Variants in KATNAL1 observed in about 807,000 individuals in gnomAD.
The protein encoded by KATNAL1 is katanin p60 ATPase-containing subunit A-like 1.
A neutral mutation model predicts 55.2 loss-of-function variants in KATNAL1; 32 were observed. The observed-to-expected ratio is 0.58, with a 90% CI of 0.44 to 0.78. KATNAL1 has a LOEUF of 0.78. KATNAL1 is among the 30% of genes least tolerant of loss of function. The probability of loss-of-function intolerance (pLI) is 0.00; values close to 1 mark genes in which losing one functional copy is unlikely to be tolerated. For missense variants in KATNAL1, 466 were observed against 600.9 expected (o/e 0.78, Z 2.35); for synonymous variants, 193 against 193.6 (o/e 1.00, Z 0.02).
At chr13:30,286,707 A>G (rs1881812171) in intron 1 of KATNAL1, among the ~76,000 whole-genome samples, 1 of 152,182 alleles carries the variant, frequency 6.6e-6, no homozygotes, top group Non-Finnish European at 1.5e-5. Context: ...CAGATCCCGG[A>G]ATGGTAGATC....
intron 2 of KATNAL1, chr13:30,281,802 AAC>A (rs1421690870): frequency 6.6e-6 from 1 of 152,258 alleles, no homozygotes; most frequent in African/African-American, 2.4e-5. Context: ...AAATTGGAAT[AAC>A]ACAGAGAAGA....
chr13:30,209,124 T>C (rs555321418), intron 10 of KATNAL1, among the ~76,000 whole-genome samples: 1 of 152,308 alleles, frequency 6.6e-6, no homozygotes, highest in Admixed American at 6.5e-5. Flanking sequence ...GACCAGTTTG[T>C]CTACAGCCTA....
In KATNAL1 at chr13:30,213,846, C is replaced by T. The variant is rs548864618; in HGVS notation, c.1148-3404G>A. The stretch of plus-strand genomic sequence containing the variant: ...TGAATGGGCAAAAACTGGAAGCATT[C>T]CCTTTGAAAACGGGCACAAGACAGG... On this transcript the variant is annotated intron_variant, in intron 9 of 10. Coordinates refer to ENST00000380615, the MANE Select transcript of KATNAL1 (RefSeq NM_032116.5). Among the ~76,000 whole-genome samples the T allele has an allele frequency of 2.9e-3, 437 of 152,318 alleles. 4 individuals carry two copies. The highest frequency in any genetic ancestry group is 1.0e-2 in the African/African-American group (415 of 41,570).
chr13:30,285,328 ACG>A lies in KATNAL1; in HGVS notation c.-14-1539_-14-1538del, dbSNP rs757385267. 2.1e-5 allele frequency among the ~76,000 whole-genome samples: 3 copies of A among 141,930 alleles called. No homozygotes were observed. In the East Asian group the frequency reaches 6.2e-4, roughly 29 times the overall value. 93.1% of individuals were successfully genotyped at this position (141,930 alleles called of 152,430 possible). A position where few individuals can be genotyped will look rare whatever the true frequency, so the allele number is the denominator to read the frequency against. The stretch of plus-strand genomic sequence containing the variant: ...CTCACCTTAAATTGTAATAATCACC[ACG>A]TGTCAAGGGCAGGACCACGTGGTGG... On this transcript the variant is annotated intron_variant, in intron 1 of 10. Coordinates refer to ENST00000380615, the MANE Select transcript of KATNAL1 (RefSeq NM_032116.5).
At chr13:30,305,182 A>G (rs1402752109) in intron 1 of KATNAL1, among the ~76,000 whole-genome samples, 1 of 152,208 alleles carries the variant, frequency 6.6e-6, no homozygotes, top group Non-Finnish European at 1.5e-5. Flanking sequence ...TGACTGCCCT[A>G]TATCAAGAAA....
chr13:30,265,023 C>A (rs1593912221), intron 3 of KATNAL1, among the ~76,000 whole-genome samples: 1 of 150,524 alleles, frequency 6.6e-6, no homozygotes, highest in African/African-American at 2.5e-5. Flanking sequence ...CACATATACA[C>A]CATGGAATAC....
intron 8 of KATNAL1, among the ~76,000 whole-genome samples, chr13:30,229,474 C>T (rs547729144): frequency 9.2e-5 from 14 of 152,276 alleles, no homozygotes; most frequent in African/African-American, 3.4e-4. Context: ...AATCCTAGCA[C>T]TTTGAGAGGC....
At chr13:30,235,395 C>A (rs907834385) in intron 6 of KATNAL1, among the ~76,000 whole-genome samples, 2 of 152,166 alleles carry the variant, frequency 1.3e-5, no homozygotes, top group Non-Finnish European at 2.9e-5. Context: ...TGAGAATGAA[C>A]AGAGTAAGAA....
intron 3 of KATNAL1, among the ~76,000 whole-genome samples, chr13:30,263,185 A>G (rs1192353840): frequency 6.6e-6 from 1 of 152,070 alleles, no homozygotes; most frequent in Non-Finnish European, 1.5e-5. Context: ...CATGCTAAAA[A>G]CTCTCAATAA....
chr13:30,245,253 C>T (rs537299896), intron 4 of KATNAL1, among the ~76,000 whole-genome samples: 24 of 152,200 alleles, frequency 1.6e-4, no homozygotes, highest in East Asian at 5.8e-4. Context: ...GTTCAACATA[C>T]GCAAATCAAA....
intron 1 of KATNAL1, among the ~76,000 whole-genome samples, chr13:30,288,259 G>A (rs1881922567): frequency 6.6e-6 from 1 of 152,050 alleles, no homozygotes; most frequent in Non-Finnish European, 1.5e-5. Context: ...TTGTTTGGAA[G>A]GCATCTAAAG....
chr13:30,224,749 G>A, intron 9 of KATNAL1, among the ~76,000 whole-genome samples: 1 of 152,106 alleles, frequency 6.6e-6, no homozygotes. Context: ...CAAAAATGAT[G>A]AAGAATAGAG....
chr13:30,246,684 T>G (rs927036942), intron 4 of KATNAL1, among the ~76,000 whole-genome samples: 4 of 151,920 alleles, frequency 2.6e-5, no homozygotes, highest in African/African-American at 9.7e-5. Flanking sequence ...ACAAGGAACT[T>G]AAATTTACAA....
chr13:30,281,351 T>C (rs1029121764), intron 2 of KATNAL1, among the ~76,000 whole-genome samples: 1 of 152,104 alleles, frequency 6.6e-6, no homozygotes, highest in Admixed American at 6.6e-5. Flanking sequence ...GAATATGCTA[T>C]AGTGGAAGAA....
chr13:30,303,654 CA>C (rs1882999870), intron 1 of KATNAL1, among the ~76,000 whole-genome samples: 2 of 152,136 alleles, frequency 1.3e-5, no homozygotes, highest in African/African-American at 4.8e-5. Flanking sequence ...AGTGAAATCA[CA>C]AATCAGTCCA....
At chr13:30,251,140 A>AG (rs1491144539) in intron 4 of KATNAL1, among the ~76,000 whole-genome samples, 2 of 59,330 alleles carry the variant, frequency 3.4e-5, no homozygotes, top group African/African-American at 4.6e-5. Flanking sequence ...ACTCTGCCTC[A>AG]AAAAAAAAAA....
chr13:30,288,231 T>A (rs967385237), intron 1 of KATNAL1, among the ~76,000 whole-genome samples: 1 of 152,182 alleles, frequency 6.6e-6, no homozygotes, highest in African/African-American at 2.4e-5. Flanking sequence ...AGCATATGAT[T>A]TCAATTCAGC....
chr13:30,215,558 A>T (rs1215080292), intron 9 of KATNAL1, among the ~76,000 whole-genome samples: 1 of 152,260 alleles, frequency 6.6e-6, no homozygotes, highest in East Asian at 1.9e-4. Flanking sequence ...GGATAAAGAA[A>T]ATGTGGCACA....
intron 8 of KATNAL1, among the ~76,000 whole-genome samples, chr13:30,228,973 G>C (rs1331330594): frequency 1.3e-5 from 2 of 152,090 alleles, no homozygotes; most frequent in Admixed American, 1.3e-4. Context: ...GGCTGGTTTT[G>C]AACTCCTGGC....
Sources: allele counts gnomAD v4.1 joint callset (sites outside exome capture counted in the v4.1 genomes callset), GRCh38; gene constraint gnomAD v4.1.1; transcripts MANE v1.5; gene names NCBI Gene and HGNC (gene_info 2026-07-23, HGNC 2026-07-21).